The following SUGCT variants were observed in gnomAD, a reference collection of about 807,000 sequenced individuals.
SUGCT encodes the protein succinyl-CoA:glutarate-CoA transferase.
Under a neutral mutation model 55.0 loss-of-function variants are expected in SUGCT, and 41 were observed. That is an observed-to-expected ratio of 0.74 (90% CI 0.58 to 0.97). The LOEUF is 0.97. Among genes scored for constraint, SUGCT ranks in the 50% least tolerant of loss-of-function variants. The pLI is 0.00. For synonymous variants in SUGCT, 187 were observed against 200.4 expected, an observed-to-expected ratio of 0.93 and a Z score of 0.56; for missense variants, 568 against 547.8, an observed-to-expected ratio of 1.04 and a Z score of -0.37.
chr7:40,624,913 A>G (rs1799452838), intron 12 of SUGCT, among the ~76,000 whole-genome samples: 3 of 152,286 alleles, frequency 2.0e-5, no homozygotes, highest in Admixed American at 6.5e-5. Flanking sequence ...TGTAAAAAAC[A>G]AACACACTTT....
At chr7:40,834,691 A>G (rs1302415632) in intron 13 of SUGCT, among the ~76,000 whole-genome samples, 1 of 152,214 alleles carries the variant, frequency 6.6e-6, no homozygotes, top group African/African-American at 2.4e-5. Flanking sequence ...TGGAACCCAG[A>G]CTGGAATTCA....
At chr7:40,224,598 G>C (rs1243305968) in intron 6 of SUGCT, among the ~76,000 whole-genome samples, 2 of 152,100 alleles carry the variant, frequency 1.3e-5, no homozygotes, top group Non-Finnish European at 2.9e-5. Context: ...AGGCAAGATA[G>C]TATCTTGATT....
chr7:41,033,816 A>ATGTGCTGAGCTGGCCCCG, the SUGCT span, among the ~76,000 whole-genome samples: 3 of 151,978 alleles, frequency 2.0e-5, no homozygotes, highest in African/African-American at 7.3e-5. Flanking sequence ...AGGTGGCCCC[A>ATGTGCTGAGCTGGCCCCG]TGTGCTGAGC....
At chr7:40,853,499 G>A (rs1239103853) in intron 13 of SUGCT, among the ~76,000 whole-genome samples, 2 of 152,090 alleles carry the variant, frequency 1.3e-5, no homozygotes, top group African/African-American at 4.8e-5. Context: ...CGAGTAGCTG[G>A]AACTACCAGT....
chr7:40,223,611 C>T (rs971138142), intron 6 of SUGCT, among the ~76,000 whole-genome samples: 1 of 152,162 alleles, frequency 6.6e-6, no homozygotes, highest in Non-Finnish European at 1.5e-5. Context: ...GATTTGGAGC[C>T]ACTGTGTATG....
intron 13 of SUGCT, among the ~76,000 whole-genome samples, chr7:40,801,643 G>A (rs1195562562): frequency 6.6e-6 from 1 of 152,038 alleles, no homozygotes; most frequent in Non-Finnish European, 1.5e-5. Context: ...CCTTCTTCTG[G>A]GAGGTACAGC....
At chr7:40,684,432 A>G (rs1416098883) in intron 12 of SUGCT, among the ~76,000 whole-genome samples, 2 of 152,168 alleles carry the variant, frequency 1.3e-5, no homozygotes, top group African/African-American at 4.8e-5. Flanking sequence ...AAACATTTTA[A>G]TCAAAGTAAT....
chr7:40,950,601 A>G, the SUGCT span, among the ~76,000 whole-genome samples: 1 of 152,038 alleles, frequency 6.6e-6, no homozygotes, highest in Non-Finnish European at 1.5e-5. Context: ...GTTTGTCATA[A>G]ATAGCTCTTA....
chr7:40,336,416 C>G (rs111593675), intron 9 of SUGCT, among the ~76,000 whole-genome samples: 1,903 of 152,270 alleles, frequency 0.012, 33 homozygotes, highest in African/African-American at 0.042. Flanking sequence ...ATTATTGCCT[C>G]AATTTCAGAG....
chr7:40,279,036 T>G (rs768109789), intron 8 of SUGCT, among the ~76,000 whole-genome samples: 2 of 150,040 alleles, frequency 1.3e-5, no homozygotes, highest in Non-Finnish European at 1.5e-5. Context: ...GGGGTCTGAC[T>G]GTGTTGTCCA....
At chr7:40,667,530 T>C (rs1801708945) in intron 12 of SUGCT, among the ~76,000 whole-genome samples, 1 of 152,020 alleles carries the variant, frequency 6.6e-6, no homozygotes, top group Non-Finnish European at 1.5e-5. Flanking sequence ...CTAGCTTTTC[T>C]TTGTATGTCT....
chr7:40,804,146 T>A (rs1382769638), intron 13 of SUGCT, among the ~76,000 whole-genome samples: 3 of 152,182 alleles, frequency 2.0e-5, no homozygotes. Flanking sequence ...TGTGTAAACT[T>A]CTTCTTGCCT....
intron 8 of SUGCT, among the ~76,000 whole-genome samples, chr7:40,309,470 T>C (rs1015056859): frequency 6.6e-6 from 1 of 152,150 alleles, no homozygotes; most frequent in African/African-American, 2.4e-5. Context: ...AATTTTTGTA[T>C]TTTTAGTAGA....
At chr7:40,924,662 A>T in the SUGCT span, among the ~76,000 whole-genome samples, 1 of 152,158 alleles carries the variant, frequency 6.6e-6, no homozygotes, top group African/African-American at 2.4e-5. Context: ...TCCTTCAACT[A>T]GGTATCCATT....
chr7:40,174,211 C>T (rs1251137606), intron 1 of SUGCT, among the ~76,000 whole-genome samples: 2 of 151,822 alleles, frequency 1.3e-5, no homozygotes, highest in African/African-American at 4.8e-5. Flanking sequence ...TTAATAGAGA[C>T]GGGGTTTTGC....
At chr7:40,726,157 A>G (rs980100927) in intron 12 of SUGCT, among the ~76,000 whole-genome samples, 2 of 152,154 alleles carry the variant, frequency 1.3e-5, no homozygotes, top group Non-Finnish European at 2.9e-5. Flanking sequence ...CGGTGTCAGG[A>G]CAACCACGTT....
the SUGCT span, among the ~76,000 whole-genome samples, chr7:40,987,405 C>T: frequency 7.9e-5 from 12 of 152,268 alleles, no homozygotes; most frequent in African/African-American, 2.9e-4. Flanking sequence ...CAATGTGGTA[C>T]CTTCCACTAT....
the SUGCT span, among the ~76,000 whole-genome samples, chr7:40,974,690 T>C: frequency 6.6e-6 from 1 of 152,174 alleles, no homozygotes; most frequent in Admixed American, 6.5e-5. Context: ...CAATCACCTT[T>C]GAGATGACAT....
chr7:40,877,521 T>C, the SUGCT span, among the ~76,000 whole-genome samples: 1 of 152,202 alleles, frequency 6.6e-6, no homozygotes, highest in Non-Finnish European at 1.5e-5. Flanking sequence ...ACACAAACAT[T>C]TTCTTTTTAT....
Sources: gnomAD v4.1 joint callset for allele counts (sites outside exome capture counted in the v4.1 genomes callset) on GRCh38, gnomAD v4.1.1 for gene constraint, MANE v1.5 for transcripts, NCBI Gene and HGNC (gene_info 2026-07-23, HGNC 2026-07-21) for gene names.